The following ZFX variants were observed in gnomAD, a reference collection of about 807,000 sequenced individuals.
The protein encoded by ZFX is zinc finger X-chromosomal protein.
For missense variants in ZFX, 362 were observed against 628.3 expected, an observed-to-expected ratio of 0.58 and a Z score of 4.53; for synonymous variants, 196 against 226.8, an observed-to-expected ratio of 0.86 and a Z score of 1.22.
intron 4 of ZFX, chrX:24,173,502 G>GAA: frequency 5.9e-6 from 6 of 1,021,615 alleles, no homozygotes; most frequent in Non-Finnish European, 5.0e-6. Context: ...CTAAAAATAG[G>GAA]AAAAAAAACA....
chrX:24,158,638 A>T (rs760042587), intron 3 of ZFX, among the ~76,000 whole-genome samples: 9 of 109,809 alleles, frequency 8.2e-5, no homozygotes, highest in African/African-American at 2.0e-4. Context: ...TGATATTTTT[A>T]TTTATTTATT....
At chrX:24,165,463 G>C (rs767776394) in intron 3 of ZFX, among the ~76,000 whole-genome samples, 2 of 112,678 alleles carry the variant, frequency 1.8e-5, no homozygotes, top group Admixed American at 1.9e-4. Context: ...CATTGAGAAG[G>C]GGTTTGATAA....
intron 5 of ZFX, among the ~76,000 whole-genome samples, chrX:24,202,687 A>G (rs145879221): frequency 9.0e-6 from 1 of 111,618 alleles, no homozygotes; most frequent in Non-Finnish European, 1.9e-5. Context: ...CTGTCCTCAC[A>G]CTGCAGATTC....
chrX:24,171,519 A>G (rs1014941865), intron 3 of ZFX, among the ~76,000 whole-genome samples: 2 of 111,579 alleles, frequency 1.8e-5, no homozygotes, highest in Non-Finnish European at 3.8e-5. Context: ...GCAAGAAGCC[A>G]TTAAACATTT....
intron 5 of ZFX, among the ~76,000 whole-genome samples, chrX:24,189,512 A>G (rs1339498362): frequency 8.9e-6 from 1 of 112,129 alleles, no homozygotes; most frequent in African/African-American, 3.2e-5. Context: ...CAGGGAGCGA[A>G]TAAATACATA....
chrX:24,150,783 G>T (rs1932008784), intron 1 of ZFX: 1 of 112,917 alleles, frequency 8.9e-6, no homozygotes, highest in African/African-American at 3.2e-5. Flanking sequence ...AACAATCTTT[G>T]CCGCCCCGAG....
intron 5 of ZFX, among the ~76,000 whole-genome samples, chrX:24,206,500 CG>C (rs1937583727): frequency 5.0e-5 from 3 of 59,607 alleles, no homozygotes; most frequent in African/African-American, 7.1e-5. Flanking sequence ...CCATGCCTGG[CG>C]TGTGTGTGTG....
chrX:24,189,563 C>T (rs888992078), intron 5 of ZFX, among the ~76,000 whole-genome samples: 1 of 112,163 alleles, frequency 8.9e-6, no homozygotes, highest in Non-Finnish European at 1.9e-5. Flanking sequence ...CCCTGAGGGT[C>T]AACACAATCT....
At chrX:24,152,177 C>T (rs1286291864) in intron 2 of ZFX, among the ~76,000 whole-genome samples, 3 of 108,722 alleles carry the variant, frequency 2.8e-5, no homozygotes, top group Non-Finnish European at 5.7e-5. Flanking sequence ...ACTCTGTCGC[C>T]CAGGCTGGAG....
intron 5 of ZFX, among the ~76,000 whole-genome samples, chrX:24,181,698 A>G (rs1226440533): frequency 9.0e-6 from 1 of 111,630 alleles, no homozygotes; most frequent in African/African-American, 3.3e-5. Context: ...AAGTTTGGTT[A>G]AATTCTCTTG....
intron 3 of ZFX, among the ~76,000 whole-genome samples, chrX:24,170,693 C>T (rs1371972114): frequency 9.6e-6 from 1 of 103,973 alleles, no homozygotes; most frequent in African/African-American, 3.5e-5. Context: ...TCATTGCAAC[C>T]TCCGTATCCC....
chrX:24,155,517 C>T (rs184621577), intron 3 of ZFX, among the ~76,000 whole-genome samples: 1 of 112,038 alleles, frequency 8.9e-6, no homozygotes, highest in East Asian at 2.8e-4. Flanking sequence ...CATCCTTATA[C>T]ATGGTTTGTC....
rs1370574634 is a variant in ZFX at position 24,179,890 on chromosome X, C to G, written c.646+120C>G. ...GTAAAAGTAAATCTCATAGACCTAC[C>G]TGCATTGTTGTTTCCATTTGCAGCC... On this transcript the variant is annotated intron_variant, in intron 5 of 9. Coordinates refer to ENST00000304543, the MANE Select transcript of ZFX (RefSeq NM_003410.4). 12 of 660,434 alleles carry G rather than the reference C, an allele frequency of 1.8e-5. No homozygotes were observed. The East Asian group carries it at 4.0e-4, about 22-fold the overall frequency. 54.4% of individuals were successfully genotyped at this position (660,434 alleles called of 1,213,427 possible).
intron 3 of ZFX, among the ~76,000 whole-genome samples, chrX:24,167,529 A>C (rs191843236): frequency 8.9e-6 from 1 of 112,049 alleles, no homozygotes; most frequent in Non-Finnish European, 1.9e-5. Context: ...TATAGGGTAC[A>C]GAATGAACTT....
chrX:24,207,613 A>G (rs1005683506), intron 6 of ZFX, 99 bp from the exon 7 acceptor site: 1 of 1,129,744 alleles, frequency 8.9e-7, no homozygotes, highest in African/African-American at 1.8e-5. Context: ...AGTAATACCA[A>G]AGTTTGTAAA....
intron 5 of ZFX, among the ~76,000 whole-genome samples, chrX:24,200,109 C>CA (rs781186061): frequency 6.3e-4 from 70 of 110,705 alleles, no homozygotes; most frequent in African/African-American, 2.3e-3. Context: ...AGGCTGAAGA[C>CA]AGCGTTTATG....
At chrX:24,163,364 G>GTTTTTTTTTTTTTTTTTTTTTTTTTT in intron 3 of ZFX, among the ~76,000 whole-genome samples, 1 of 19,061 alleles carries the variant, frequency 5.2e-5, no homozygotes, top group Non-Finnish European at 8.2e-5. Flanking sequence ...TTTTTGTTAG[G>GTTTTTTTTTTTTTTTTTTTTTTTTTT]TTTTTTTTTT....
At position 24,208,290 on chromosome X, in the gene ZFX, C is replaced by T; in HGVS notation, c.1013C>T (p.Ala338Val). 8.3e-7 allele frequency: 1 copy of T among 1,210,340 alleles called. No homozygotes were observed. The highest frequency in any genetic ancestry group is 1.1e-6 in the Non-Finnish European group (1 of 895,112). Residue 338 changes from alanine to valine, a missense_variant, in exon 8 of 10, where the codon GCA (alanine) becomes GTA (valine). By Grantham distance (64) the Ala-to-Val change is moderately conservative. Coordinates refer to ENST00000304543, the MANE Select transcript of ZFX (RefSeq NM_003410.4). ...VGEEDAAAAA[A>V]AAAVHEQQMD... ...GAGGAGGATGCTGCAGCAGCAGCGG[C>T]AGCCGCCGCCGTGCACGAGCAGCAA... is the stretch of plus-strand genomic sequence containing the variant.
chrX:24,198,576 T>C (rs768804807), intron 5 of ZFX, among the ~76,000 whole-genome samples: 1 of 109,760 alleles, frequency 9.1e-6, no homozygotes, highest in African/African-American at 3.3e-5. Flanking sequence ...AACGAATGAA[T>C]GTTGCTTGCT....
Sources: gnomAD v4.1 joint callset for allele counts (sites outside exome capture counted in the v4.1 genomes callset) on GRCh38, gnomAD v4.1.1 for gene constraint, MANE v1.5 for transcripts, NCBI Gene and HGNC (gene_info 2026-07-23, HGNC 2026-07-21) for gene names.